The following SOBP variants were observed in gnomAD, a reference collection of about 807,000 sequenced individuals.
SOBP encodes sine oculis binding protein homolog.
Under a neutral mutation model 53.6 loss-of-function variants are expected in SOBP, and 4 were observed. The ratio of observed to expected loss-of-function variants is 0.07; its 90% CI spans 0.04 to 0.17. The LOEUF (loss-of-function observed/expected upper bound fraction) is 0.17, where lower values mean the gene tolerates loss of function less well. Among genes scored for constraint, SOBP ranks in the 10% least tolerant of loss-of-function variants. The pLI, the probability that SOBP is intolerant of heterozygous loss-of-function variation, is 1.00. For synonymous variants in SOBP, 584 were observed against 522.6 expected (o/e 1.12, Z -1.60); for missense variants, 1,088 against 1,204.7 (o/e 0.90, Z 1.43).
intron 3 of SOBP, among the ~76,000 whole-genome samples, chr6:107,532,754 C>A (rs918748870): frequency 2.0e-5 from 3 of 152,108 alleles, no homozygotes; most frequent in Non-Finnish European, 4.4e-5. Context: ...CATCCAGGGC[C>A]CAGGAACCAC....
At chr6:107,551,811 A>T (rs898036185) in intron 4 of SOBP, among the ~76,000 whole-genome samples, 2 of 152,198 alleles carry the variant, frequency 1.3e-5, no homozygotes, top group African/African-American at 4.8e-5. Context: ...ACTTGGGGTC[A>T]GGAGTTCGAT....
At chr6:107,512,786 G>A (rs3927424) in intron 3 of SOBP, among the ~76,000 whole-genome samples, 140,932 of 152,194 alleles carry the variant, frequency 0.93, 65,552 homozygotes, top group Non-Finnish European at 0.97. Context: ...TTCACAAGGA[G>A]AAGTGAAATG....
intron 1 of SOBP, among the ~76,000 whole-genome samples, chr6:107,497,472 G>A (rs549470548): frequency 6.6e-6 from 1 of 151,734 alleles, no homozygotes; most frequent in East Asian, 1.9e-4. Flanking sequence ...AATAATACAT[G>A]GACATGACAA....
At chr6:107,501,889 C>T (rs1004413496) in intron 1 of SOBP, among the ~76,000 whole-genome samples, 15 of 152,152 alleles carry the variant, frequency 9.9e-5, no homozygotes, top group South Asian at 6.2e-4. Context: ...AATGTGGACA[C>T]GACCAGCCAT....
chr6:107,518,684 A>C (rs1289946475), intron 3 of SOBP, among the ~76,000 whole-genome samples: 1 of 151,990 alleles, frequency 6.6e-6, no homozygotes, highest in Non-Finnish European at 1.5e-5. Flanking sequence ...TAGGTGGGTA[A>C]GTGTAGGTCA....
chr6:107,584,146 C>T (rs1291464115), intron 4 of SOBP, among the ~76,000 whole-genome samples: 1 of 151,888 alleles, frequency 6.6e-6, no homozygotes, highest in African/African-American at 2.4e-5. Flanking sequence ...AGTTCTCGCC[C>T]TTCTTTGGTA....
intron 3 of SOBP, chr6:107,515,067 TA>T (rs1418786179): frequency 6.6e-6 from 1 of 152,240 alleles, no homozygotes; most frequent in African/African-American, 2.4e-5. Flanking sequence ...CATATGTTAT[TA>T]GAACTAATCA....
chr6:107,608,644 G>A (rs1017729896), intron 5 of SOBP, among the ~76,000 whole-genome samples: 1 of 152,172 alleles, frequency 6.6e-6, no homozygotes, highest in African/African-American at 2.4e-5. Flanking sequence ...TGTAGAAATC[G>A]ACATCTCTTT....
chr6:107,641,661 G>A (rs1033751770), intron 6 of SOBP, among the ~76,000 whole-genome samples: 2 of 152,160 alleles, frequency 1.3e-5, no homozygotes, highest in Non-Finnish European at 2.9e-5. Context: ...GCCCAGGAGG[G>A]CACTGGAAAT....
chr6:107,508,622 A>T (rs1005780319), intron 3 of SOBP, among the ~76,000 whole-genome samples: 4 of 152,140 alleles, frequency 2.6e-5, no homozygotes, highest in African/African-American at 7.2e-5. Flanking sequence ...GGTCTTAGAT[A>T]TGTCATTAAA....
At chr6:107,653,643 G>T (rs1771899301) in intron 6 of SOBP, among the ~76,000 whole-genome samples, 1 of 152,164 alleles carries the variant, frequency 6.6e-6, no homozygotes, top group Non-Finnish European at 1.5e-5. Context: ...ACTGGATTTT[G>T]ATTATGCTAA....
chr6:107,620,652 G>A (rs930077555), intron 5 of SOBP, among the ~76,000 whole-genome samples: 5 of 152,132 alleles, frequency 3.3e-5, no homozygotes, highest in African/African-American at 1.2e-4. Flanking sequence ...TTTGGAACAT[G>A]CCAATCTGTA....
At chr6:107,532,272 C>CCACACACACACACACACACCA (rs1554291805) in intron 3 of SOBP, among the ~76,000 whole-genome samples, 22 of 108,052 alleles carry the variant, frequency 2.0e-4, no homozygotes, top group African/African-American at 6.0e-4. Context: ...CACACACACA[C>CCACACACACACACACACACCA]CACACACACA....
intron 4 of SOBP, among the ~76,000 whole-genome samples, chr6:107,541,393 G>T (rs996956656): frequency 6.6e-6 from 1 of 152,132 alleles, no homozygotes; most frequent in African/African-American, 2.4e-5. Flanking sequence ...CAAGTGCCTT[G>T]ACTTTGAAAT....
At chr6:107,626,198 T>C (rs1527873) in intron 5 of SOBP, among the ~76,000 whole-genome samples, 16,915 of 152,248 alleles carry the variant, frequency 0.11, 1,155 homozygotes, top group East Asian at 0.25. Flanking sequence ...AAATTTGACA[T>C]TGAGACAGTA....
At chr6:107,619,457 C>T (rs561650958) in intron 5 of SOBP, among the ~76,000 whole-genome samples, 2 of 152,158 alleles carry the variant, frequency 1.3e-5, no homozygotes, top group African/African-American at 4.8e-5. Flanking sequence ...CAAAGAAGAG[C>T]ATAGAATATG....
chr6:107,588,778 A>G (rs1362974418), intron 5 of SOBP, among the ~76,000 whole-genome samples: 1 of 152,172 alleles, frequency 6.6e-6, no homozygotes, highest in African/African-American at 2.4e-5. Context: ...GAGAAAATAG[A>G]TGTTTTGTCA....
At chr6:107,581,850 T>C (rs1583235439) in intron 4 of SOBP, among the ~76,000 whole-genome samples, 3 of 152,188 alleles carry the variant, frequency 2.0e-5, no homozygotes, top group East Asian at 1.9e-4. Context: ...TATACACTTA[T>C]TCTCACAACT....
chr6:107,596,805 T>C (rs1295201473), intron 5 of SOBP, among the ~76,000 whole-genome samples: 1 of 152,212 alleles, frequency 6.6e-6, no homozygotes, highest in Admixed American at 6.5e-5. Flanking sequence ...TATGTTTCTA[T>C]AGATTAGGAT....
Sources: allele counts gnomAD v4.1 joint callset (sites outside exome capture counted in the v4.1 genomes callset), GRCh38; gene constraint gnomAD v4.1.1; transcripts MANE v1.5; gene names NCBI Gene and HGNC (gene_info 2026-07-23, HGNC 2026-07-21).